The following EXTL3 variants were observed in gnomAD, a reference collection of about 807,000 sequenced individuals.
EXTL3 encodes exostosin-like 3.
A neutral mutation model predicts 69.3 loss-of-function variants in EXTL3; 27 were observed. The observed-to-expected ratio is 0.39, with a 90% CI of 0.29 to 0.54. EXTL3 has a LOEUF of 0.54. EXTL3 is among the 20% of genes least tolerant of loss of function. The pLI, the probability that EXTL3 is intolerant of heterozygous loss-of-function variation, is 0.69. For synonymous variants in EXTL3, 511 were observed against 499.4 expected (o/e 1.02, Z -0.31); for missense variants, 1,003 against 1,231.8 (o/e 0.81, Z 2.78).
At chr8:28,703,102 C>T (rs1008625967) in intron 1 of EXTL3, among the ~76,000 whole-genome samples, 10 of 152,142 alleles carry the variant, frequency 6.6e-5, no homozygotes, top group Admixed American at 6.5e-4. Context: ...ATTTCCCATT[C>T]GTTTGCTTGT....
chr8:28,635,182 C>T lies in EXTL3; in HGVS notation c.-53+12372C>T, dbSNP rs144417431. On this transcript the variant is annotated intron_variant, in intron 1 of 6. Coordinates refer to the EXTL3 transcript ENST00000523149. The stretch of plus-strand genomic sequence containing the variant: ...AAGCAAGGAAGGCCTAGGGTGGCAA[C>T]GTTCCTGCCTGGGCTTTTTTCTTTT... 1.9e-4 allele frequency among the ~76,000 whole-genome samples: 29 copies of T among 152,172 alleles called. No homozygotes were observed. The East Asian group carries it at 5.6e-3, about 29-fold the overall frequency.
chr8:28,648,366 C>T (rs1179112172), intron 1 of EXTL3, among the ~76,000 whole-genome samples: 1 of 152,146 alleles, frequency 6.6e-6, no homozygotes, highest in African/African-American at 2.4e-5. Context: ...TCTTCCTCTG[C>T]CAGTCTGCAG....
intron 3 of EXTL3, among the ~76,000 whole-genome samples, chr8:28,723,099 A>T (rs113279407): frequency 6.6e-6 from 1 of 152,184 alleles, no homozygotes; most frequent in Admixed American, 6.5e-5. Flanking sequence ...CTTACTCCTT[A>T]AAGTGTTGGT....
At chr8:28,644,986 A>T (rs1480694792) in intron 1 of EXTL3, among the ~76,000 whole-genome samples, 1 of 152,142 alleles carries the variant, frequency 6.6e-6, no homozygotes, top group Non-Finnish European at 1.5e-5. Context: ...CAGGCCAACT[A>T]GTCTTTCTCA....
intron 1 of EXTL3, among the ~76,000 whole-genome samples, chr8:28,702,178 G>C (rs1368042076): frequency 6.6e-6 from 1 of 151,840 alleles, no homozygotes; most frequent in East Asian, 1.9e-4. Context: ...GCTTCTACAC[G>C]CAGTCGCCTG....
rs150039127 is a variant in EXTL3, at chr8:28,647,143, C to T, written c.-53+24333C>T. 4.6e-3 allele frequency among the ~76,000 whole-genome samples: 689 copies of T among 148,378 alleles called. 4 individuals are homozygous for T. The highest frequency in any genetic ancestry group is 0.015 in the African/African-American group (584 of 40,268). On this transcript the variant is annotated intron_variant, in intron 1 of 6. Coordinates refer to the EXTL3 transcript ENST00000523149. ...TTTTGAGACGGAGTTTTGCTCTTGT[C>T]GTCCAGGCTGGAGTGCAATGGCACG...
At chr8:28,653,123 T>A (rs1411908214) in intron 1 of EXTL3, among the ~76,000 whole-genome samples, 11 of 152,236 alleles carry the variant, frequency 7.2e-5, no homozygotes, top group Non-Finnish European at 1.6e-4. Context: ...GATAGTAGCA[T>A]ATAGAATAGT....
At chr8:28,673,545 G>T (rs1807332796) in intron 1 of EXTL3, among the ~76,000 whole-genome samples, 1 of 152,156 alleles carries the variant, frequency 6.6e-6, no homozygotes, top group African/African-American at 2.4e-5. Context: ...TTTGGATGCA[G>T]ACTTAATTAT....
In EXTL3 at chr8:28,734,064, C is replaced by T. The variant is rs149382020; in HGVS notation, c.2276+2714C>T. On this transcript the variant is annotated intron_variant, in intron 4 of 6. Transcript: ENST00000220562. ...AACTCCTGACCTCAGGTGATCTGCC[C>T]GCCTCGGCCTCCCAAAGTGCTGGGA... Among the ~76,000 whole-genome samples the T allele has an allele frequency of 3.6e-3, 542 of 151,070 alleles. 7 individuals are homozygous for T. Among genetic ancestry groups the T allele is most frequent in the African/African-American group, 0.012 (514 of 41,236 alleles).
intron 3 of EXTL3, among the ~76,000 whole-genome samples, chr8:28,725,664 C>G (rs1801396603): frequency 6.6e-6 from 1 of 152,084 alleles, no homozygotes. Flanking sequence ...TAATGTCATA[C>G]CAGTAATTAA....
intron 1 of EXTL3, among the ~76,000 whole-genome samples, chr8:28,664,850 G>A (rs1196374435): frequency 6.6e-6 from 1 of 152,090 alleles, no homozygotes; most frequent in Non-Finnish European, 1.5e-5. Context: ...CTGTACAGCA[G>A]TCAGTGGACA....
chr8:28,732,682 G>A (rs1002738108), intron 4 of EXTL3, among the ~76,000 whole-genome samples: 3 of 151,980 alleles, frequency 2.0e-5, no homozygotes, highest in Non-Finnish European at 2.9e-5. Flanking sequence ...CTTCTTTCAC[G>A]GAACATGATG....
At chr8:28,688,272 C>A (rs1800557654) in intron 1 of EXTL3, among the ~76,000 whole-genome samples, 1 of 151,982 alleles carries the variant, frequency 6.6e-6, no homozygotes. Context: ...ACCATGTTGG[C>A]CAGGCTGGTC....
intron 1 of EXTL3, among the ~76,000 whole-genome samples, chr8:28,687,795 C>G (rs1277755164): frequency 6.6e-6 from 1 of 152,096 alleles, no homozygotes; most frequent in African/African-American, 2.4e-5. Flanking sequence ...CAATGCCATG[C>G]AAAGCAAAGA....
rs191520185 is a variant in EXTL3, at chr8:28,692,443, G to T, written c.-52-21014G>T. 4.6e-5 allele frequency among the ~76,000 whole-genome samples: 7 copies of T among 152,148 alleles called. No individual in the cohort carries two copies. In the East Asian group the frequency reaches 1.2e-3, roughly 25 times the overall value. ...TTTGAGTAATATTTAGGAAAATAGG[G>T]GAAAACTTTCTCTTCAATAAAATCT... On this transcript the variant is annotated intron_variant, in intron 1 of 6. Coordinates refer to the EXTL3 transcript ENST00000523149.
intron 1 of EXTL3, among the ~76,000 whole-genome samples, chr8:28,660,935 A>T: frequency 8.6e-6 from 1 of 115,986 alleles, no homozygotes; most frequent in Admixed American, 1.1e-4. Context: ...TTTTTTTGAG[A>T]CAGAGTCTTG....
chr8:28,711,487 C>T (rs1442382155), intron 1 of EXTL3, among the ~76,000 whole-genome samples: 1 of 151,918 alleles, frequency 6.6e-6, no homozygotes, highest in Non-Finnish European at 1.5e-5. Flanking sequence ...TAATATCTTA[C>T]TTAATTTGTG....
Position 28,706,613 on chromosome 8 carries a change from T to C in EXTL3, c.-570+4954T>C, listed in dbSNP as rs114273050. On this transcript the variant is annotated intron_variant, in intron 1 of 6. Coordinates refer to ENST00000220562, the MANE Select transcript of EXTL3 (RefSeq NM_001440.4). ...CCTGGATCCTGCTTAGCACCAGATA[T>C]TATAATTTTACAATACTTTGATGAT... is the stretch of plus-strand genomic sequence containing the variant. 7.7e-3 allele frequency among the ~76,000 whole-genome samples: 1,177 copies of C among 152,332 alleles called. 5 individuals are homozygous for C. Among genetic ancestry groups the C allele is most frequent in the Middle Eastern group, 0.02 (6 of 294 alleles).
chr8:28,682,719 C>T (rs1391000957), intron 1 of EXTL3, among the ~76,000 whole-genome samples: 4 of 152,208 alleles, frequency 2.6e-5, no homozygotes, highest in African/African-American at 7.2e-5. Context: ...GCTGGGATTA[C>T]AGGCACGAGT....
Sources: gnomAD v4.1 joint callset for allele counts (sites outside exome capture counted in the v4.1 genomes callset) on GRCh38, gnomAD v4.1.1 for gene constraint, MANE v1.5 for transcripts, NCBI Gene and HGNC (gene_info 2026-07-23, HGNC 2026-07-21) for gene names.